The following CDH3 variants were observed in gnomAD, a reference collection of about 807,000 sequenced individuals.
The protein encoded by CDH3 is cadherin 3.
A neutral mutation model predicts 82.0 loss-of-function variants in CDH3; 54 were observed. That is an observed-to-expected ratio of 0.66 (90% CI 0.53 to 0.83). The LOEUF (loss-of-function observed/expected upper bound fraction) is 0.83. Among genes scored for constraint, CDH3 ranks in the 40% least tolerant of loss-of-function variants. The pLI is 0.00. For missense variants in CDH3, 1,054 were observed against 1,084.6 expected, an observed-to-expected ratio of 0.97 and a Z score of 0.40; for synonymous variants, 446 against 437.9, an observed-to-expected ratio of 1.02 and a Z score of -0.23.
At chr16:68,661,715 G>A (rs1960585382) in intron 2 of CDH3, among the ~76,000 whole-genome samples, 1 of 152,130 alleles carries the variant, frequency 6.6e-6, no homozygotes, top group Admixed American at 6.5e-5. Flanking sequence ...TGGAGATGGC[G>A]TCTTACTCTG....
intron 2 of CDH3, among the ~76,000 whole-genome samples, chr16:68,646,397 A>G (rs1397805336): frequency 6.6e-6 from 1 of 151,986 alleles, no homozygotes; most frequent in East Asian, 1.9e-4. Context: ...ATGCTAGGTC[A>G]CTGGGGGGAG....
intron 2 of CDH3, among the ~76,000 whole-genome samples, chr16:68,664,718 G>A (rs1185662454): frequency 6.6e-6 from 1 of 151,876 alleles, no homozygotes. Context: ...GGAGTGCATG[G>A]TGTGATCACG....
intron 9 of CDH3, 53 bp from the exon 10 acceptor site, chr16:68,684,530 C>G (rs1308180014): frequency 5.6e-6 from 9 of 1,611,348 alleles, no homozygotes; most frequent in Non-Finnish European, 7.6e-6. Flanking sequence ...CTGTCCTGCA[C>G]AGGACCTCCT....
At chr16:68,678,938 G>A (rs373057862) in intron 6 of CDH3, 32 bp downstream of exon 6, 21 of 1,610,404 alleles carry the variant, frequency 1.3e-5, no homozygotes, top group Middle Eastern at 1.6e-4. Flanking sequence ...CTGCTACGGG[G>A]CTGGGCCCAC....
At chr16:68,708,831 C>T (rs748525992) in intron 1 of CDH3, among the ~76,000 whole-genome samples, 4 of 151,946 alleles carry the variant, frequency 2.6e-5, no homozygotes, top group South Asian at 2.1e-4. Flanking sequence ...TTAGTAGAGA[C>T]GGGGTTTTAC....
intron 15 of CDH3, chr16:68,696,314 G>A (rs529860434): frequency 3.0e-6 from 1 of 338,448 alleles, no homozygotes; most frequent in South Asian, 2.4e-5. Flanking sequence ...AGCTACTCGG[G>A]AGGCTGAGCA....
intron 12 of CDH3, among the ~76,000 whole-genome samples, chr16:68,688,351 A>G (rs942651121): frequency 6.6e-6 from 1 of 151,954 alleles, no homozygotes; most frequent in African/African-American, 2.4e-5. Flanking sequence ...GCACTTTGGG[A>G]GCCTGAGGCG....
intron 2 of CDH3, among the ~76,000 whole-genome samples, chr16:68,648,910 T>C (rs575663741): frequency 6.7e-6 from 1 of 148,978 alleles, no homozygotes; most frequent in African/African-American, 2.5e-5. Context: ...GAAACATTGA[T>C]GTAGAGGAAA....
chr16:68,682,542 G>A, intron 9 of CDH3, 55 bp downstream of exon 9: 2 of 1,554,010 alleles, frequency 1.3e-6, no homozygotes, highest in Non-Finnish European at 1.8e-6. Context: ...CAGGTCTGCA[G>A]CCTTCAGGAT....
chr16:68,696,444 G>A (rs1014275106), intron 15 of CDH3: 1 of 225,348 alleles, frequency 4.4e-6, no homozygotes. Context: ...ATGATTAGGA[G>A]GCTGGGCACA....
In CDH3 at chr16:68,679,871, A is replaced by T; in HGVS notation, c.764A>T (p.Tyr255Phe). The change falls in exon 7 of 16, where the codon TAC becomes TTC. Residue 255 changes from tyrosine to phenylalanine, a missense_variant. By Grantham distance (22) the Tyr-to-Phe change is conservative (BLOSUM62 3). Transcript: ENST00000264012. Reference protein sequence around the residue: ...AIYTYNGVVAYSIHSQEPKDP... With the variant: ...AIYTYNGVVAFSIHSQEPKDP... ...TACACCTACAATGGGGTGGTTGCTT[A>T]CTCCATCCATAGCCAAGAACCAAAG... 6.2e-7 allele frequency: 1 copy of T among 1,613,512 alleles called. No individual in the cohort carries two copies. Among genetic ancestry groups the T allele is most frequent in the Non-Finnish European group, 8.5e-7 (1 of 1,179,518 alleles).
chr16:68,733,170 G>C, the CDH3 span, among the ~76,000 whole-genome samples: 1 of 152,194 alleles, frequency 6.6e-6, no homozygotes, highest in African/African-American at 2.4e-5. Flanking sequence ...TCAACTAATG[G>C]CAGAGCCAGA....
chr16:68,690,864 G>T (rs1030652446), intron 12 of CDH3, among the ~76,000 whole-genome samples: 1 of 152,058 alleles, frequency 6.6e-6, no homozygotes, highest in Non-Finnish European at 1.5e-5. Flanking sequence ...CTGAGATCAC[G>T]CCACTGCTCT....
chr16:68,709,816 A>T (rs894920478), intron 1 of CDH3, among the ~76,000 whole-genome samples: 1 of 152,142 alleles, frequency 6.6e-6, no homozygotes, highest in South Asian at 2.1e-4. Context: ...AGAAACCTAA[A>T]CACCTTGTCC....
chr16:68,685,078 T>C, intron 10 of CDH3, 127 bp from the exon 11 acceptor site: 1 of 1,218,482 alleles, frequency 8.2e-7, no homozygotes, highest in Non-Finnish European at 1.2e-6. Flanking sequence ...ATGGGCGAGG[T>C]GCATTTTCCA....
chr16:68,656,310 C>G (rs1960409392), intron 2 of CDH3, among the ~76,000 whole-genome samples: 1 of 152,166 alleles, frequency 6.6e-6, no homozygotes, highest in Admixed American at 6.5e-5. Flanking sequence ...CCCAGCAACC[C>G]TTCTCAACTC....
chr16:68,696,375 G>T, intron 15 of CDH3: 1 of 297,662 alleles, frequency 3.4e-6, no homozygotes, highest in Admixed American at 4.5e-5. Flanking sequence ...CCGACATCAC[G>T]CCACTGCACT....
At chr16:68,663,247 C>T (rs1250187249) in intron 2 of CDH3, among the ~76,000 whole-genome samples, 13 of 129,574 alleles carry the variant, frequency 1.0e-4, no homozygotes, top group Admixed American at 2.4e-4. Flanking sequence ...TTTTCTGAGA[C>T]GGAGTCTTGC....
intron 1 of CDH3, among the ~76,000 whole-genome samples, chr16:68,709,471 A>G (rs940947873): frequency 2.0e-5 from 3 of 152,034 alleles, no homozygotes; most frequent in African/African-American, 7.2e-5. Flanking sequence ...CAGTGGGGTG[A>G]GCAGGGTTGC....
Sources: gnomAD v4.1 joint callset for allele counts (sites outside exome capture counted in the v4.1 genomes callset) on GRCh38, gnomAD v4.1.1 for gene constraint, MANE v1.5 for transcripts, NCBI Gene and HGNC (gene_info 2026-07-23, HGNC 2026-07-21) for gene names.